Variants in CSMD2 observed in about 807,000 individuals in gnomAD.
CSMD2 encodes the protein CUB and sushi domain-containing protein 2.
CSMD2 carries 130 observed loss-of-function variants against 398.5 expected under a neutral mutation model. The observed-to-expected ratio is 0.33, with a 90% CI of 0.28 to 0.38. The LOEUF (loss-of-function observed/expected upper bound fraction) is 0.38, where lower values mean the gene tolerates loss of function less well. Among genes scored for constraint, CSMD2 ranks in the 10% least tolerant of loss-of-function variants. The pLI is 1.00. For synonymous variants in CSMD2, 1,828 were observed against 1,908.5 expected (o/e 0.96, Z 1.10); for missense variants, 3,829 against 4,764.9 (o/e 0.80, Z 5.78).
At chr1:33,824,482 C>A (rs1432470039) in intron 7 of CSMD2, among the ~76,000 whole-genome samples, 1 of 152,198 alleles carries the variant, frequency 6.6e-6, no homozygotes, top group Admixed American at 6.5e-5. Flanking sequence ...CTTCAAAGAC[C>A]ACAGACAATC....
chr1:34,044,834 C>T (rs1652293169), intron 2 of CSMD2, among the ~76,000 whole-genome samples: 1 of 152,130 alleles, frequency 6.6e-6, no homozygotes, highest in Non-Finnish European at 1.5e-5. Flanking sequence ...ACCAATTGAC[C>T]TTGGGAATAA....
chr1:33,719,602 A>T (rs534924516), intron 19 of CSMD2, among the ~76,000 whole-genome samples: 1 of 152,314 alleles, frequency 6.6e-6, no homozygotes, highest in South Asian at 2.1e-4. Context: ...AAATCGTACC[A>T]ATGACATCAA....
chr1:33,663,565 G>C (rs1644212886), intron 25 of CSMD2, among the ~76,000 whole-genome samples: 1 of 152,160 alleles, frequency 6.6e-6, no homozygotes, highest in East Asian at 1.9e-4. Context: ...CCCAGCCATG[G>C]TGCAGGTAGG....
intron 1 of CSMD2, among the ~76,000 whole-genome samples, chr1:34,160,836 T>C (rs1040040924): frequency 3.9e-5 from 6 of 152,172 alleles, no homozygotes; most frequent in Non-Finnish European, 8.8e-5. Context: ...TCAGACAACA[T>C]ACAAAGCAGG....
In CSMD2 at chr1:33,635,765, C is replaced by A. The variant is rs1046069408; in HGVS notation, c.4970-435G>T. On this transcript the variant is annotated intron_variant, in intron 30 of 70. Coordinates refer to ENST00000373381, the MANE Select transcript of CSMD2 (RefSeq NM_001281956.2). The surrounding 1 kb of genome is among the most constrained non-coding windows in gnomAD (Gnocchi z 5.0). ...CCCGGACTAACCCCATGGGGAGTGG[C>A]CAGCCCATGTGACCCAGCCACCTTC... Among the ~76,000 whole-genome samples the A allele has an allele frequency of 6.6e-6, 1 of 152,148 alleles. No homozygotes were observed. Among genetic ancestry groups the A allele is most frequent in the Non-Finnish European group, 1.5e-5 (1 of 68,014 alleles).
intron 1 of CSMD2, among the ~76,000 whole-genome samples, chr1:34,140,581 C>A (rs890335178): frequency 6.6e-6 from 1 of 152,170 alleles, no homozygotes; most frequent in Non-Finnish European, 1.5e-5. Context: ...TCATGTATAT[C>A]ATCTCACTGC....
At chr1:33,887,306 C>A (rs767176596) in intron 5 of CSMD2, among the ~76,000 whole-genome samples, 7 of 150,496 alleles carry the variant, frequency 4.7e-5, no homozygotes, top group African/African-American at 7.3e-5. Context: ...ACATAAACAA[C>A]GAGGAACAGC....
In CSMD2 at chr1:33,815,061, G is replaced by A. The variant is rs115161769; in HGVS notation, c.1325-4197C>T. Among the ~76,000 whole-genome samples, 1,340 of 152,106 alleles carry A rather than the reference G, an allele frequency of 8.8e-3. 16 individuals are homozygous for A. The highest frequency in any genetic ancestry group is 0.03 in the African/African-American group (1,243 of 41,508). On this transcript the variant is annotated intron_variant, in intron 9 of 70. Coordinates refer to ENST00000373381, the MANE Select transcript of CSMD2 (RefSeq NM_001281956.2). ...CATCTCTAATCCTGGGGGCTGGGGG[G>A]CTACCAGGAGAACTGTGGTATCACG...
At position 34,165,029 on chromosome 1, in the gene CSMD2, G is replaced by C; in HGVS notation, c.69C>G (p.Thr23=). The change falls in exon 1 of 71, where the codon ACC becomes ACG. Residue 23 remains threonine (T), a synonymous_variant. Transcript: ENST00000373381. ...GCPAGRARGE[T]GISALVPGAG... ...CGCCCGGCACAAGCGCCGAAATCCC[G>C]GTTTCGCCGCGAGCCCTCCCCGCGG... 1 of 1,211,174 alleles carries C rather than the reference G, an allele frequency of 8.3e-7. No individual in the cohort carries two copies. The highest frequency in any genetic ancestry group is 3.4e-5 in the East Asian group (1 of 29,722). 75.0% of individuals were successfully genotyped at this position (1,211,174 alleles called of 1,614,324 possible). A position where few individuals can be genotyped will look rare whatever the true frequency, so the allele number is the denominator to read the frequency against.
intron 42 of CSMD2, among the ~76,000 whole-genome samples, chr1:33,604,772 A>G (rs4653265): frequency 0.76 from 114,884 of 152,090 alleles, 43,677 homozygotes; most frequent in East Asian, 0.87. Context: ...TGCCACCTCC[A>G]GCTCCCTGAT....
intron 19 of CSMD2, among the ~76,000 whole-genome samples, chr1:33,722,344 G>A (rs1362633973): frequency 6.6e-6 from 1 of 152,050 alleles, no homozygotes; most frequent in Admixed American, 6.6e-5. Flanking sequence ...ATATATTTTC[G>A]AGACTTTTGA....
At chr1:33,949,283 T>C (rs1644930409) in intron 3 of CSMD2, among the ~76,000 whole-genome samples, 4 of 152,160 alleles carry the variant, frequency 2.6e-5, no homozygotes, top group Admixed American at 6.5e-5. Flanking sequence ...TGGGAGAAGA[T>C]GCCAGGGCAG....
At chr1:33,617,040 G>T in intron 38 of CSMD2, 65 bp from the exon 39 acceptor site, 3 of 1,252,804 alleles carry the variant, frequency 2.4e-6, no homozygotes, top group Non-Finnish European at 3.5e-6. Context: ...GTACAACCAG[G>T]GGCTGTACAG....
intron 3 of CSMD2, among the ~76,000 whole-genome samples, chr1:34,011,979 C>T (rs543570150): frequency 6.6e-6 from 1 of 152,250 alleles, no homozygotes; most frequent in South Asian, 2.1e-4. Flanking sequence ...GTGATAGAAC[C>T]AGGTCTGCTA....
chr1:33,593,550 G>A lies in CSMD2; in HGVS notation c.6857-6382C>T, dbSNP rs377724712. Among the ~76,000 whole-genome samples, 277 of 152,246 alleles carry A rather than the reference G, an allele frequency of 1.8e-3. 2 individuals carry two copies. Among genetic ancestry groups the A allele is most frequent in the African/African-American group, 5.8e-3 (242 of 41,540 alleles). Reference sequence around the variant, plus strand: ...CCATTTTTTAAAACCATCAGATCTTGTGAGACTTACTGACTATCATGAGAC... The same window carrying A: ...CCATTTTTTAAAACCATCAGATCTTATGAGACTTACTGACTATCATGAGAC... On this transcript the variant is annotated intron_variant, in intron 44 of 70. Transcript: ENST00000373381.
intron 2 of CSMD2, among the ~76,000 whole-genome samples, chr1:34,057,245 A>G (rs1460762126): frequency 6.6e-6 from 1 of 151,896 alleles, no homozygotes; most frequent in South Asian, 2.1e-4. Flanking sequence ...CCTGACCACA[A>G]CCTTCCAAGG....
chr1:34,048,212 A>G (rs542203099), intron 2 of CSMD2, among the ~76,000 whole-genome samples: 1 of 150,404 alleles, frequency 6.6e-6, no homozygotes, highest in East Asian at 1.9e-4. Context: ...GATAATAATG[A>G]TGATGTTTGT....
chr1:33,748,586 T>C (rs139858537), intron 13 of CSMD2, among the ~76,000 whole-genome samples: 2 of 151,986 alleles, frequency 1.3e-5, no homozygotes, highest in African/African-American at 4.9e-5. Context: ...GTTTTTCTTT[T>C]GGTGTTGTCA....
chr1:33,735,697 C>A (rs568967434), intron 15 of CSMD2, among the ~76,000 whole-genome samples: 1 of 152,326 alleles, frequency 6.6e-6, no homozygotes, highest in African/African-American at 2.4e-5. Context: ...TTAGGAGAAG[C>A]CATCGTCTCT....
Sources: gnomAD v4.1 joint callset for allele counts (sites outside exome capture counted in the v4.1 genomes callset) on GRCh38, gnomAD v4.1.1 for gene constraint, Gnocchi (gnomAD v3.1) non-coding constraint, MANE v1.5 for transcripts, NCBI Gene and HGNC (gene_info 2026-07-23, HGNC 2026-07-21) for gene names.